TRAK1: variants seen among roughly 807,000 people sequenced by gnomAD.
TRAK1 encodes the protein trafficking kinesin-binding protein 1.
TRAK1 carries 33 observed loss-of-function variants against 92.1 expected under a neutral mutation model. The observed-to-expected ratio is 0.36, with a 90% CI of 0.27 to 0.48. The LOEUF is 0.48. TRAK1 is among the 20% of genes least tolerant of loss of function. TRAK1 has a pLI of 0.99. For missense variants in TRAK1, 1,123 were observed against 1,257.9 expected (o/e 0.89, Z 1.62); for synonymous variants, 521 against 517.3 (o/e 1.01, Z -0.10).
chr3:42,122,655 C>T (rs1326577213), intron 1 of TRAK1, among the ~76,000 whole-genome samples: 1 of 152,124 alleles, frequency 6.6e-6, no homozygotes, highest in Non-Finnish European at 1.5e-5. Flanking sequence ...TCACTCTTTG[C>T]TTGATAGTGA....
chr3:42,100,209 A>G (rs1553715446), intron 1 of TRAK1, among the ~76,000 whole-genome samples: 1 of 152,188 alleles, frequency 6.6e-6, no homozygotes, highest in Non-Finnish European at 1.5e-5. Context: ...TCTACAAAAA[A>G]TACAAAGCTT....
chr3:42,092,763 G>GTTATGTTATTA (rs1705295493), intron 1 of TRAK1, among the ~76,000 whole-genome samples: 1 of 147,722 alleles, frequency 6.8e-6, no homozygotes, highest in Non-Finnish European at 1.5e-5. Flanking sequence ...GTTATGTTAT[G>GTTATGTTATTA]TTATGTTATT....
intron 2 of TRAK1, among the ~76,000 whole-genome samples, chr3:42,153,365 C>T (rs1393217481): frequency 6.6e-6 from 1 of 151,942 alleles, no homozygotes; most frequent in Non-Finnish European, 1.5e-5. Flanking sequence ...CCACTGTACT[C>T]CAGCCTGGGC....
intron 1 of TRAK1, chr3:42,051,101 A>G (rs1010827101): frequency 1.3e-5 from 2 of 152,198 alleles, no homozygotes; most frequent in African/African-American, 4.8e-5. Context: ...ACTCCTGGGC[A>G]CAAGCAGTCT....
intron 2 of TRAK1, among the ~76,000 whole-genome samples, chr3:42,145,426 A>G (rs550489271): frequency 6.4e-4 from 97 of 151,630 alleles, no homozygotes; most frequent in African/African-American, 2.2e-3. Flanking sequence ...CAGAGGTTGC[A>G]GTGAGCCAAG....
intron 1 of TRAK1, among the ~76,000 whole-genome samples, chr3:42,064,012 A>G (rs1703566751): frequency 6.6e-6 from 1 of 152,142 alleles, no homozygotes; most frequent in South Asian, 2.1e-4. Flanking sequence ...GCCATGTGGA[A>G]ATTATATCCA....
At chr3:42,079,180 T>G (rs1158008561) in intron 1 of TRAK1, among the ~76,000 whole-genome samples, 1 of 152,218 alleles carries the variant, frequency 6.6e-6, no homozygotes, top group Non-Finnish European at 1.5e-5. Flanking sequence ...CAATTTGTGG[T>G]AATTTGTTAC....
intron 1 of TRAK1, among the ~76,000 whole-genome samples, chr3:42,114,741 C>G (rs1463018512): frequency 1.3e-5 from 2 of 151,768 alleles, no homozygotes; most frequent in Non-Finnish European, 2.9e-5. Flanking sequence ...GAGACAGAGT[C>G]TCCCTCTGTT....
intron 1 of TRAK1, among the ~76,000 whole-genome samples, chr3:42,021,269 G>A (rs1701712525): frequency 6.6e-6 from 1 of 152,162 alleles, no homozygotes; most frequent in African/African-American, 2.4e-5. Flanking sequence ...GTGTCACCTA[G>A]ACAGTGAGCA....
At chr3:42,222,793 G>A (rs1031821136) in intron 15 of TRAK1, 149 bp from the exon 16 acceptor site, 12 of 746,780 alleles carry the variant, frequency 1.6e-5, no homozygotes, top group South Asian at 8.9e-5. Flanking sequence ...AGGAGCAGAC[G>A]TGGACAGAGC....
At chr3:42,170,016 C>T (rs781503230) in intron 2 of TRAK1, among the ~76,000 whole-genome samples, 2 of 152,088 alleles carry the variant, frequency 1.3e-5, no homozygotes, top group African/African-American at 4.8e-5. Flanking sequence ...AAGTGCGAGG[C>T]CAGACATCTG....
chr3:42,219,471 A>G, intron 14 of TRAK1, 23 bp from the exon 15 acceptor site: 1 of 1,614,016 alleles, frequency 6.2e-7, no homozygotes, highest in Non-Finnish European at 8.5e-7. Flanking sequence ...TGCAAGGAAT[A>G]TGTTTTGTTC....
intron 1 of TRAK1, among the ~76,000 whole-genome samples, chr3:42,037,352 C>T (rs893765619): frequency 2.6e-5 from 4 of 152,164 alleles, no homozygotes; most frequent in Non-Finnish European, 5.9e-5. Flanking sequence ...ATTTTGTTTT[C>T]GGCCTTCCCT....
In TRAK1 at chr3:42,202,608, C is replaced by T. The variant is rs372408014; in HGVS notation, c.1600C>T (p.Arg534Cys). 7 of 1,598,484 alleles carry T rather than the reference C, an allele frequency of 4.4e-6. No homozygotes were observed. Among genetic ancestry groups the T allele is most frequent in the South Asian group, 1.1e-5 (1 of 90,220 alleles). ...GGAGCTGGCGGAGAAGGGCGAGCTG[C>T]GCAGCGGCTCCCTCACACCCACTGA... is the stretch of plus-strand genomic sequence containing the variant. Reference protein sequence around the residue: ...LQELAEKGELRSGSLTPTESI... With the variant: ...LQELAEKGELCSGSLTPTESI... The change falls in exon 13 of 16, where the codon CGC becomes TGC. Residue 534 changes from arginine to cysteine, a missense_variant. Physicochemically the swap from Arg to Cys is radical, Grantham distance 180. Coordinates refer to ENST00000327628, the MANE Select transcript of TRAK1 (RefSeq NM_001042646.3). The surrounding 1 kb of genome is among the most constrained non-coding windows in gnomAD (Gnocchi z 6.1).
At chr3:42,157,489 A>AAAAAAAAAAAAAG (rs1553739632) in intron 2 of TRAK1, among the ~76,000 whole-genome samples, 2 of 144,724 alleles carry the variant, frequency 1.4e-5, no homozygotes, top group Non-Finnish European at 3.0e-5. Flanking sequence ...AAAAAAAAAA[A>AAAAAAAAAAAAAG]GGTTAACATT....
At chr3:42,101,574 G>A (rs1207166669) in intron 1 of TRAK1, among the ~76,000 whole-genome samples, 1 of 152,134 alleles carries the variant, frequency 6.6e-6, no homozygotes, top group African/African-American at 2.4e-5. Flanking sequence ...TCCTGTAAAG[G>A]GCCAGAGAGT....
chr3:42,078,704 G>A (rs1328278980), intron 1 of TRAK1, among the ~76,000 whole-genome samples: 2 of 141,502 alleles, frequency 1.4e-5, no homozygotes, highest in African/African-American at 5.4e-5. Context: ...AGTGAGCCAA[G>A]ATCAGGCCCC....
intron 1 of TRAK1, among the ~76,000 whole-genome samples, chr3:42,046,834 C>T (rs1263452461): frequency 6.6e-6 from 1 of 152,130 alleles, no homozygotes; most frequent in Admixed American, 6.5e-5. Context: ...GAGTAGTTTT[C>T]TCTTCCTTTT....
In TRAK1 at chr3:42,189,133, C is replaced by G. The variant is rs368834658; in HGVS notation, c.690+9C>G. The G allele has an allele frequency of 2.7e-5, 43 of 1,600,076 alleles. No homozygotes were observed. The highest frequency in any genetic ancestry group is 5.0e-5 in the Admixed American group (3 of 59,960). ...TTGTACTTCGATCCGAGGTGATGTG[C>G]CCTCCCTTCTCTTGCCCCTGCTAGA... On this transcript the variant is annotated intron_variant, in intron 6 of 15. Coordinates refer to ENST00000327628, the MANE Select transcript of TRAK1 (RefSeq NM_001042646.3).
Sources: gnomAD v4.1 joint callset for allele counts (sites outside exome capture counted in the v4.1 genomes callset) on GRCh38, gnomAD v4.1.1 for gene constraint, Gnocchi (gnomAD v3.1) non-coding constraint, MANE v1.5 for transcripts, NCBI Gene and HGNC (gene_info 2026-07-23, HGNC 2026-07-21) for gene names.